The following ADAMTSL1 variants were observed in gnomAD, a reference collection of about 807,000 sequenced individuals.
ADAMTSL1 encodes the protein ADAMTS like 1.
ADAMTSL1 carries 126 observed loss-of-function variants against 201.8 expected under a neutral mutation model. That is an observed-to-expected ratio of 0.62 (90% CI 0.54 to 0.72). The LOEUF is 0.72. Among genes scored for constraint, ADAMTSL1 ranks in the 30% least tolerant of loss-of-function variants. The pLI, the probability that ADAMTSL1 is intolerant of heterozygous loss-of-function variation, is 0.00. For missense variants in ADAMTSL1, 2,679 were observed against 2,277.8 expected (o/e 1.18, Z -3.59); for synonymous variants, 1,121 against 903.4 (o/e 1.24, Z -4.32).
chr9:18,424,716 A>G (rs1819125289), intron 2 of ADAMTSL1, among the ~76,000 whole-genome samples: 1 of 152,156 alleles, frequency 6.6e-6, no homozygotes, highest in Non-Finnish European at 1.5e-5. Flanking sequence ...TCTGGTAGTT[A>G]CTTTCATGGA....
intron 1 of ADAMTSL1, among the ~76,000 whole-genome samples, chr9:17,976,827 T>C (rs1563929366): frequency 6.6e-6 from 1 of 151,848 alleles, no homozygotes; most frequent in South Asian, 2.1e-4. Context: ...CCTTTTATTT[T>C]GTTTTTCTTG....
intron 26 of ADAMTSL1, chr9:18,905,400 C>A (rs1830246197): frequency 5.7e-6 from 1 of 175,684 alleles, no homozygotes; most frequent in Non-Finnish European, 1.2e-5. Context: ...AACGATAAAC[C>A]ATATTACCCT....
At chr9:18,770,513 T>G in intron 16 of ADAMTSL1, 89 bp from the exon 17 acceptor site, 1 of 1,337,026 alleles carries the variant, frequency 7.5e-7, no homozygotes, top group Non-Finnish European at 1.0e-6. Context: ...TTTCTTCCTT[T>G]ACTCTGCCAA....
chr9:18,796,893 T>C (rs1822459403), intron 20 of ADAMTSL1: 1 of 152,236 alleles, frequency 6.6e-6, no homozygotes, highest in East Asian at 1.9e-4. Flanking sequence ...ATCTTTCCAC[T>C]TGCTGGCAGA....
chr9:18,808,082 G>C (rs1226520402), intron 20 of ADAMTSL1, among the ~76,000 whole-genome samples: 2 of 152,064 alleles, frequency 1.3e-5, no homozygotes, highest in Non-Finnish European at 2.9e-5. Context: ...TTGTAATAGA[G>C]ATCTAGTGGT....
intron 2 of ADAMTSL1, among the ~76,000 whole-genome samples, chr9:18,460,064 A>G (rs1820751525): frequency 6.6e-6 from 1 of 152,026 alleles, no homozygotes; most frequent in South Asian, 2.1e-4. Flanking sequence ...AATAGAGTTG[A>G]CTCTAGTAGA....
chr9:18,147,098 C>T lies in ADAMTSL1; in HGVS notation c.88-16764C>T, dbSNP rs138331240. ...TAGTATTCCTTAATTTCTAAGAAAA[C>T]ACAGTCCCGTATTCAAATTCCAATT... is the stretch of plus-strand genomic sequence containing the variant. On this transcript the variant is annotated intron_variant, in intron 1 of 29. Transcript: ENST00000680146. Among the ~76,000 whole-genome samples the T allele has an allele frequency of 4.4e-3, 675 of 152,138 alleles. 6 individuals are homozygous for T. Among genetic ancestry groups the T allele is most frequent in the African/African-American group, 0.015 (621 of 41,514 alleles).
chr9:18,137,683 A>C (rs912362107), intron 1 of ADAMTSL1, among the ~76,000 whole-genome samples: 22 of 152,338 alleles, frequency 1.4e-4, no homozygotes, highest in African/African-American at 4.8e-4. Context: ...AGAAAAAATA[A>C]TTATAAAGAA....
chr9:18,790,401 A>G (rs2133818772), intron 19 of ADAMTSL1, among the ~76,000 whole-genome samples: 1 of 152,262 alleles, frequency 6.6e-6, no homozygotes, highest in South Asian at 2.1e-4. Context: ...TTCACACAAG[A>G]CAGTGGTGTC....
At chr9:18,585,680 A>C (rs9792675) in intron 4 of ADAMTSL1, among the ~76,000 whole-genome samples, 18,518 of 152,194 alleles carry the variant, frequency 0.12, 1,193 homozygotes, top group Middle Eastern at 0.17. Context: ...AATATCCTTG[A>C]TGAATATTGA....
chr9:18,504,615 C>T (rs1481988165), intron 1 of ADAMTSL1, among the ~76,000 whole-genome samples: 1 of 152,178 alleles, frequency 6.6e-6, no homozygotes, highest in African/African-American at 2.4e-5. Flanking sequence ...TTCGTGCCCA[C>T]TTCAGTCATT....
intron 1 of ADAMTSL1, among the ~76,000 whole-genome samples, chr9:18,489,105 AC>A (rs531614475): frequency 4.0e-4 from 61 of 152,254 alleles, no homozygotes; most frequent in Non-Finnish European, 6.9e-4. Context: ...CTGGGGAGAG[AC>A]CCAGACATTG....
At chr9:18,327,877 A>T (rs947878153) in intron 2 of ADAMTSL1, among the ~76,000 whole-genome samples, 2 of 152,184 alleles carry the variant, frequency 1.3e-5, no homozygotes, top group African/African-American at 4.8e-5. Flanking sequence ...TATTCATTCA[A>T]CCATGATATT....
intron 2 of ADAMTSL1, among the ~76,000 whole-genome samples, chr9:18,238,300 T>A (rs890204776): frequency 1.1e-4 from 16 of 152,184 alleles, no homozygotes; most frequent in African/African-American, 3.6e-4. Flanking sequence ...TTCATTACAC[T>A]TACAGTGACT....
chr9:18,392,367 G>A (rs1047811377), intron 2 of ADAMTSL1, among the ~76,000 whole-genome samples: 5 of 152,128 alleles, frequency 3.3e-5, no homozygotes, highest in Non-Finnish European at 4.4e-5. Flanking sequence ...GGAACAGTGC[G>A]GTAGGTTGTT....
intron 2 of ADAMTSL1, among the ~76,000 whole-genome samples, chr9:18,187,133 G>A (rs1252000232): frequency 6.6e-6 from 1 of 152,114 alleles, no homozygotes; most frequent in East Asian, 1.9e-4. Flanking sequence ...CATTTGGAGT[G>A]ATGCAGCCCC....
chr9:18,516,892 A>G (rs1322752392), intron 2 of ADAMTSL1, among the ~76,000 whole-genome samples: 1 of 152,184 alleles, frequency 6.6e-6, no homozygotes, highest in Non-Finnish European at 1.5e-5. Context: ...AATGGTTTTA[A>G]AGAAAAATGT....
rs148810399 is a variant in ADAMTSL1 at position 18,299,371 on chromosome 9, A to G, written c.207+135390A>G. 2.0e-3 allele frequency among the ~76,000 whole-genome samples: 309 copies of G among 152,320 alleles called. No homozygotes were observed. The South Asian group carries it at 0.021, about 10-fold the overall frequency. ...TTTATCACAAAGTATTTCATATCTTATTTTTAAAATTCGATTTTAAATGAA... is the reference window on the plus strand; with the variant it reads ...TTTATCACAAAGTATTTCATATCTTGTTTTTAAAATTCGATTTTAAATGAA... On this transcript the variant is annotated intron_variant, in intron 2 of 29. Coordinates refer to the ADAMTSL1 transcript ENST00000680146.
chr9:18,846,334 A>C (rs974401688), intron 23 of ADAMTSL1, among the ~76,000 whole-genome samples: 4 of 152,218 alleles, frequency 2.6e-5, no homozygotes, highest in African/African-American at 9.6e-5. Flanking sequence ...TTGCTTTGAG[A>C]AACCAATGTT....
Sources: allele counts gnomAD v4.1 joint callset (sites outside exome capture counted in the v4.1 genomes callset), GRCh38; gene constraint gnomAD v4.1.1; transcripts MANE v1.5; gene names NCBI Gene and HGNC (gene_info 2026-07-23, HGNC 2026-07-21).